Variants in TRDN observed in about 807,000 individuals in gnomAD.
The protein encoded by TRDN is triadin, also known as triadin in skeletal muscle.
TRDN carries 161 observed loss-of-function variants against 149.7 expected under a neutral mutation model. The observed-to-expected ratio is 1.08, with a 90% CI of 0.95 to 1.23. TRDN has a LOEUF of 1.23. Among genes scored for constraint, TRDN ranks in the 50% most tolerant of loss-of-function variants. The probability of loss-of-function intolerance (pLI) is 0.00; values close to 1 mark genes in which losing one functional copy is unlikely to be tolerated. For synonymous variants in TRDN, 294 were observed against 250.5 expected, an observed-to-expected ratio of 1.17 and a Z score of -1.64; for missense variants, 896 against 823.5, an observed-to-expected ratio of 1.09 and a Z score of -1.08.
At chr6:123,602,996 A>G (rs772853764) in intron 1 of TRDN, among the ~76,000 whole-genome samples, 1 of 152,138 alleles carries the variant, frequency 6.6e-6, no homozygotes, top group South Asian at 2.1e-4. Context: ...ACTGAATTTT[A>G]ATGTTGGATG....
At position 123,255,879 on chromosome 6, in the gene TRDN, T is replaced by C. The variant is rs762194607; in HGVS notation, c.1894A>G (p.Arg632Gly). Residue 632 changes from arginine to glycine, a missense_variant, in exon 36 of 41, where the codon AGA becomes GGA. Physicochemically the swap from Arg to Gly is moderately radical, Grantham distance 125. Coordinates refer to ENST00000334268, the MANE Select transcript of TRDN (RefSeq NM_006073.4). Reference protein sequence around the residue: ...SKEKADMKHLREEKVSTRKES... With the variant: ...SKEKADMKHLGEEKVSTRKES... ...TTTAAAAAATTACCTTTTTCTTCTC[T>C]AAGATGCTTCATGTCTGCTTTTTCT... is the stretch of plus-strand genomic sequence containing the variant. 7.4e-7 allele frequency: 1 copy of C among 1,356,396 alleles called. No homozygotes were observed. Among genetic ancestry groups the C allele is most frequent in the South Asian group, 1.7e-5 (1 of 57,510 alleles). The allele number at this position is 1,356,396 out of a possible 1,614,324, so 84.0% of individuals were successfully genotyped here. A position where few individuals can be genotyped will look rare whatever the true frequency, so the allele number is the denominator to read the frequency against.
At chr6:123,395,548 T>C (rs977444728) in intron 12 of TRDN, among the ~76,000 whole-genome samples, 3 of 152,166 alleles carry the variant, frequency 2.0e-5, no homozygotes, top group Non-Finnish European at 4.4e-5. Context: ...TCCTTATCTA[T>C]GGGCTCTTCT....
chr6:123,383,862 G>GA (rs1191718349), intron 14 of TRDN, among the ~76,000 whole-genome samples: 5 of 151,866 alleles, frequency 3.3e-5, no homozygotes, highest in African/African-American at 1.2e-4. Flanking sequence ...TTTGTAAGGG[G>GA]AAAAAACTCT....
At chr6:123,372,794 A>G (rs1432267716) in intron 19 of TRDN, among the ~76,000 whole-genome samples, 1 of 152,160 alleles carries the variant, frequency 6.6e-6, no homozygotes, top group Non-Finnish European at 1.5e-5. Context: ...TGTCCTCTCC[A>G]TGCTTGGAAA....
At chr6:123,348,065 A>C (rs905327752) in intron 21 of TRDN, among the ~76,000 whole-genome samples, 12 of 152,208 alleles carry the variant, frequency 7.9e-5, no homozygotes, top group Admixed American at 7.9e-4. Context: ...TCTGGGAAAT[A>C]ATTTTTCCTT....
At chr6:123,486,705 TG>T (rs1043805984) in intron 9 of TRDN, among the ~76,000 whole-genome samples, 4 of 152,044 alleles carry the variant, frequency 2.6e-5, no homozygotes, top group African/African-American at 9.7e-5. Context: ...TCTGGATGTT[TG>T]TGTATGCTTG....
intron 4 of TRDN, among the ~76,000 whole-genome samples, chr6:123,541,382 T>C (rs2114399454): frequency 6.6e-6 from 1 of 152,288 alleles, no homozygotes; most frequent in Admixed American, 6.5e-5. Context: ...CACGAAGTAC[T>C]ACAGCTGCCT....
Position 123,614,040 on chromosome 6 carries a change from T to C in TRDN, c.22+22714A>G, listed in dbSNP as rs555005353. Among the ~76,000 whole-genome samples, 9 of 152,092 alleles carry C rather than the reference T, an allele frequency of 5.9e-5. No individual in the cohort carries two copies. In the East Asian group the frequency reaches 1.6e-3, roughly 26 times the overall value. ...TCACCCTTTAAGATGCTCTAGGATA[T>C]TGCTACTCAAACTGTGCTCTAAGAC... On this transcript the variant is annotated intron_variant, in intron 1 of 40. Coordinates refer to ENST00000334268, the MANE Select transcript of TRDN (RefSeq NM_006073.4).
At chr6:123,317,517 A>G (rs181535707) in intron 23 of TRDN, among the ~76,000 whole-genome samples, 22 of 152,078 alleles carry the variant, frequency 1.4e-4, no homozygotes. Flanking sequence ...TACTTCCGAT[A>G]ATACTTGAGT....
At chr6:123,402,914 T>C (rs560021212) in intron 12 of TRDN, among the ~76,000 whole-genome samples, 6 of 152,344 alleles carry the variant, frequency 3.9e-5, no homozygotes, top group African/African-American at 1.4e-4. Context: ...GAATAGGTTT[T>C]AACATAATTT....
In TRDN at chr6:123,403,200, A is replaced by T. The variant is rs566470242; in HGVS notation, c.1052-9523T>A. ...ATTTCAACAAGGCCAGGGAAAAGAC[A>T]TTTTTTTAAATGAGGCAATAAAGTT... On this transcript the variant is annotated intron_variant, in intron 12 of 40. Transcript: ENST00000334268. 1.1e-4 allele frequency among the ~76,000 whole-genome samples: 16 copies of T among 152,278 alleles called. No homozygotes were observed. In the South Asian group the frequency reaches 3.1e-3, roughly 30 times the overall value.
Position 123,490,367 on chromosome 6 carries a change from G to A in TRDN, c.853+6826C>T, listed in dbSNP as rs1030444390. ...GTAGCTTAGAGAGCGTGGATACATC[G>A]GACAAAGGGATGATTCACATACTTG... On this transcript the variant is annotated intron_variant, in intron 9 of 40. Transcript: ENST00000334268. Among the ~76,000 whole-genome samples the A allele has an allele frequency of 5.9e-5, 9 of 152,102 alleles. No individual in the cohort carries two copies. The East Asian group carries it at 1.7e-3, about 29-fold the overall frequency.
intron 5 of TRDN, among the ~76,000 whole-genome samples, chr6:123,519,549 T>C (rs2114274244): frequency 6.6e-6 from 1 of 151,608 alleles, no homozygotes; most frequent in South Asian, 2.1e-4. Context: ...TCAGAGTTCT[T>C]TACTTAATCG....
intron 1 of TRDN, among the ~76,000 whole-genome samples, chr6:123,635,543 C>G (rs545169699): frequency 6.6e-6 from 1 of 152,000 alleles, no homozygotes; most frequent in Admixed American, 6.6e-5. Context: ...AGAAATCTCT[C>G]AGTAATTGTT....
At chr6:123,509,289 G>A (rs1301360403) in intron 7 of TRDN, among the ~76,000 whole-genome samples, 2 of 151,972 alleles carry the variant, frequency 1.3e-5, no homozygotes, top group African/African-American at 4.8e-5. Context: ...CCCAACTTGT[G>A]GCATTCATAT....
intron 23 of TRDN, among the ~76,000 whole-genome samples, chr6:123,330,982 C>A (rs1779640142): frequency 6.6e-6 from 1 of 151,972 alleles, no homozygotes; most frequent in South Asian, 2.1e-4. Flanking sequence ...TAAGTGTGGT[C>A]AATATTTTAC....
chr6:123,510,890 G>A (rs79854894), intron 7 of TRDN, among the ~76,000 whole-genome samples: 2,544 of 152,060 alleles, frequency 0.017, 71 homozygotes, highest in East Asian at 0.092. Context: ...GTGATTCACC[G>A]GCCTCGGCCT....
intron 9 of TRDN, among the ~76,000 whole-genome samples, chr6:123,477,000 G>A (rs1210912236): frequency 9.2e-6 from 1 of 108,724 alleles, no homozygotes; most frequent in Admixed American, 1.0e-4. Context: ...ATAGGCATGG[G>A]CAAGGACTTC....
At chr6:123,358,872 T>G (rs1780792460) in intron 20 of TRDN, among the ~76,000 whole-genome samples, 1 of 152,082 alleles carries the variant, frequency 6.6e-6, no homozygotes, top group South Asian at 2.1e-4. Context: ...GGTAAGAAAA[T>G]ATTGTGCCGT....
Sources: gnomAD v4.1 joint callset for allele counts (sites outside exome capture counted in the v4.1 genomes callset) on GRCh38, gnomAD v4.1.1 for gene constraint, MANE v1.5 for transcripts, NCBI Gene and HGNC (gene_info 2026-07-23, HGNC 2026-07-21) for gene names.